Variants in SLC66A1 observed in about 807,000 individuals in gnomAD.
SLC66A1 encodes lysosomal amino acid transporter 1 homolog.
In SLC66A1, 23 loss-of-function variants were observed where a neutral mutation model predicts 33.0. The ratio of observed to expected loss-of-function variants is 0.70; its 90% confidence interval spans 0.50 to 0.99. SLC66A1 has a LOEUF of 0.99. Among genes scored for constraint, SLC66A1 ranks in the 50% least tolerant of loss-of-function variants. SLC66A1 has a pLI of 0.00. For missense variants in SLC66A1, 335 were observed against 383.6 expected, an observed-to-expected ratio of 0.87 and a Z score of 1.06; for synonymous variants, 164 against 175.5, an observed-to-expected ratio of 0.93 and a Z score of 0.52.
chr1:19,327,021 C>T (rs899295365), intron 6 of SLC66A1, among the ~76,000 whole-genome samples: 9 of 152,124 alleles, frequency 5.9e-5, no homozygotes, highest in Middle Eastern at 3.4e-3. Flanking sequence ...CACGGTCTCC[C>T]GTGGACCTGG....
At chr1:19,317,980 G>A in intron 2 of SLC66A1, 139 bp downstream of exon 2, 2 of 1,309,974 alleles carry the variant, frequency 1.5e-6, no homozygotes, top group South Asian at 1.4e-5. Context: ...CCTCGACAGG[G>A]ACCTGCACTG....
intron 2 of SLC66A1, among the ~76,000 whole-genome samples, chr1:19,324,413 G>A (rs558312799): frequency 1.1e-4 from 17 of 152,344 alleles, no homozygotes; most frequent in Admixed American, 9.8e-4. Context: ...ATGCACAGCC[G>A]TAGAGTCCTC....
At chr1:19,319,241 T>C (rs939439231) in intron 2 of SLC66A1, among the ~76,000 whole-genome samples, 1 of 152,250 alleles carries the variant, frequency 6.6e-6, no homozygotes, top group East Asian at 1.9e-4. Context: ...TAGGACATTT[T>C]CGTTAGCCCA....
chr1:19,328,562 GC>G lies in SLC66A1; in HGVS notation c.805-9del. 1.2e-6 allele frequency: 2 copies of G among 1,612,136 alleles called. No homozygotes were observed. Among genetic ancestry groups the G allele is most frequent in the Non-Finnish European group, 8.5e-7 (1 of 1,179,446 alleles). The stretch of plus-strand genomic sequence containing the variant: ...TCTGCTCAGCTTGGCCTTAACGGCG[GC>G]ACCCCCAGATCTCCATCCAGTTCCT... On this transcript the variant is annotated splice_polypyrimidine_tract_variant and intron_variant, in intron 7 of 7. Transcript: ENST00000375153. The surrounding 1 kb of genome is among the most constrained non-coding windows in gnomAD (Gnocchi z 4.7).
Position 19,328,098 on chromosome 1 carries a change from T to A in SLC66A1, c.805-474T>A, listed in dbSNP as rs2152017288. On this transcript the variant is annotated intron_variant, in intron 7 of 7. Coordinates refer to ENST00000375153, the MANE Select transcript of SLC66A1 (RefSeq NM_001040125.2). The surrounding 1 kb of genome is among the most constrained non-coding windows in gnomAD (Gnocchi z 4.7). ...ACAGGACCCCGTTTTCAGTGAGGGCTCAGAAAGTGTTTGCTGAATGGCTGT... is the reference window on the plus strand; with the variant it reads ...ACAGGACCCCGTTTTCAGTGAGGGCACAGAAAGTGTTTGCTGAATGGCTGT... 4 of 264,756 alleles carry A rather than the reference T, an allele frequency of 1.5e-5. No homozygotes were observed. In the South Asian group the frequency reaches 1.6e-4, roughly 10 times the overall value. The allele number at this position is 264,756 out of a possible 1,614,324, so 16.4% of individuals were successfully genotyped here.
intron 1 of SLC66A1, among the ~76,000 whole-genome samples, chr1:19,314,795 G>A (rs1389930642): frequency 6.6e-6 from 1 of 152,204 alleles, no homozygotes; most frequent in Non-Finnish European, 1.5e-5. Context: ...AAGGGGGTGT[G>A]GGGGTGCACC....
chr1:19,313,125 C>T (rs2093785938), intron 1 of SLC66A1: 7 of 875,724 alleles, frequency 8.0e-6, no homozygotes, highest in Non-Finnish European at 9.6e-6. Context: ...TGCAGTCAGC[C>T]TAGGTGGTGG....
Position 19,325,540 on chromosome 1 carries a change from A to C in SLC66A1, c.340A>C (p.Thr114Pro), listed in dbSNP as rs1249081620. Residue 114 changes from threonine (T) to proline (P), a missense_variant, in exon 4 of 8, where the codon ACG (threonine) becomes CCG (proline). Coordinates refer to ENST00000375153, the MANE Select transcript of SLC66A1 (RefSeq NM_001040125.2). ...YYVLADLVML[T>P]LYFYYKFRTR... ...TGTCTTGGCAGACCTGGTGATGCTG[A>C]CGCTGTACTTTTACTACAAGTTCAG... 1 of 1,604,364 alleles carries C rather than the reference A, an allele frequency of 6.2e-7. No individual in the cohort carries two copies. Among genetic ancestry groups the C allele is most frequent in the Admixed American group, 1.7e-5 (1 of 59,790 alleles).
At chr1:19,320,713 C>G (rs214311) in intron 2 of SLC66A1, among the ~76,000 whole-genome samples, 107,513 of 145,294 alleles carry the variant, frequency 0.74, 40,517 homozygotes, top group South Asian at 0.88. Context: ...CCGCACCTGG[C>G]CTCACTTCTT....
At chr1:19,313,145 T>C in intron 1 of SLC66A1, 3 of 968,372 alleles carry the variant, frequency 3.1e-6, no homozygotes, top group Non-Finnish European at 3.7e-6. Flanking sequence ...GGTATTGCAT[T>C]ATTCCCCTAC....
At chr1:19,316,123 G>T (rs2093803728) in intron 1 of SLC66A1, among the ~76,000 whole-genome samples, 2 of 152,184 alleles carry the variant, frequency 1.3e-5, no homozygotes, top group South Asian at 4.1e-4. Context: ...AGCGGGAGAG[G>T]CCTGCCCTGC....
chr1:19,323,716 GT>G (rs1369116116), intron 2 of SLC66A1, among the ~76,000 whole-genome samples: 2 of 152,246 alleles, frequency 1.3e-5, no homozygotes, highest in Non-Finnish European at 2.9e-5. Context: ...CCACCATTTA[GT>G]TTCTTTCTGT....
chr1:19,334,220 T>TG (rs1228512824), downstream of SLC66A1, among the ~76,000 whole-genome samples: 2 of 152,124 alleles, frequency 1.3e-5, no homozygotes, highest in East Asian at 3.9e-4. Flanking sequence ...GAATGTTTGG[T>TG]GAATGAGTAA....
intron 2 of SLC66A1, among the ~76,000 whole-genome samples, chr1:19,318,266 T>C (rs2093816124): frequency 6.6e-6 from 1 of 152,108 alleles, no homozygotes; most frequent in African/African-American, 2.4e-5. Flanking sequence ...AGGGCTGGGA[T>C]GCGTCAAACA....
chr1:19,314,317 C>T (rs969322916), intron 1 of SLC66A1, among the ~76,000 whole-genome samples: 27 of 152,200 alleles, frequency 1.8e-4, no homozygotes, highest in African/African-American at 6.3e-4. Context: ...GACAACTCCC[C>T]AACACGCACG....
intron 1 of SLC66A1, among the ~76,000 whole-genome samples, 173 bp from the exon 2 acceptor site, chr1:19,317,427 A>T (rs982905773): frequency 3.9e-5 from 6 of 152,198 alleles, no homozygotes; most frequent in African/African-American, 1.4e-4. Context: ...GTTTGCTGTG[A>T]TCTGTGCACC....
At chr1:19,334,225 G>A (rs1314475615), downstream of SLC66A1, among the ~76,000 whole-genome samples, 4 of 152,214 alleles carry the variant, frequency 2.6e-5, no homozygotes, top group Admixed American at 2.6e-4. Flanking sequence ...TTTGGTGAAT[G>A]AGTAAGTGAA....
rs2093882911 is a variant in SLC66A1 at position 19,328,723 on chromosome 1, C to T, written c.*80C>T. 18 of 1,476,460 alleles carry T rather than the reference C, an allele frequency of 1.2e-5. No homozygotes were observed. The highest frequency in any genetic ancestry group is 7.4e-5 in the Admixed American group (4 of 54,044). The allele number at this position is 1,476,460 out of a possible 1,614,324, so 91.5% of individuals were successfully genotyped here. A position where few individuals can be genotyped will look rare whatever the true frequency, so the allele number is the denominator to read the frequency against. The stretch of plus-strand genomic sequence containing the variant: ...GGAGGAGGTGTGGACAGTGATGGTA[C>T]GGCGGCCCTGCATCAGCCTGCGGGT... On this transcript the variant is annotated 3_prime_UTR_variant, in exon 8 of 8. Transcript: ENST00000375153. The surrounding 1 kb of genome is among the most constrained non-coding windows in gnomAD (Gnocchi z 4.7).
In SLC66A1 at chr1:19,317,687, A is replaced by C; in HGVS notation, c.10A>C (p.Lys4Gln). Residue 4 changes from lysine to glutamine, a missense_variant, in exon 2 of 8, where the codon AAG becomes CAG. Coordinates refer to ENST00000375153, the MANE Select transcript of SLC66A1 (RefSeq NM_001040125.2). The stretch of plus-strand genomic sequence containing the variant: ...CCCCTCCTCCACAGCCATGGTCTGG[A>C]AGAAACTGGGCTCCCGCAACTTCTC... MVWKKLGSRNFSSC... is the reference protein window; with the variant it reads MVWQKLGSRNFSSC... 1 of 1,614,038 alleles carries C rather than the reference A, an allele frequency of 6.2e-7. No individual in the cohort carries two copies. The highest frequency in any genetic ancestry group is 8.5e-7 in the Non-Finnish European group (1 of 1,179,916).
Sources: allele counts gnomAD v4.1 joint callset (sites outside exome capture counted in the v4.1 genomes callset), GRCh38; gene constraint gnomAD v4.1.1; non-coding constraint Gnocchi (gnomAD v3.1); transcripts MANE v1.5; gene names NCBI Gene and HGNC (gene_info 2026-07-23, HGNC 2026-07-21).